Variants in NF1 observed in about 807,000 individuals in gnomAD.
The protein encoded by NF1 is neurofibromin 1.
A neutral mutation model predicts 325.7 loss-of-function variants in NF1; 122 were observed. The ratio of observed to expected loss-of-function variants is 0.37; its 90% CI spans 0.32 to 0.44. NF1 has a LOEUF of 0.44. NF1 is among the 20% of genes least tolerant of loss of function. The pLI, the probability that NF1 is intolerant of heterozygous loss-of-function variation, is 1.00. For synonymous variants in NF1, 1,091 were observed against 1,186.0 expected, an observed-to-expected ratio of 0.92 and a Z score of 1.65; for missense variants, 2,140 against 3,415.4, an observed-to-expected ratio of 0.63 and a Z score of 9.31.
At chr17:31,101,061 C>A (rs1309470803) in intron 1 of NF1, among the ~76,000 whole-genome samples, 1 of 152,044 alleles carries the variant, frequency 6.6e-6, no homozygotes, top group Non-Finnish European at 1.5e-5. Flanking sequence ...TCTCTGTGGA[C>A]CAGTCTTTTT....
At chr17:31,367,101 A>T in intron 57 of NF1, 1 of 365,174 alleles carries the variant, frequency 2.7e-6, no homozygotes, top group Non-Finnish European at 4.7e-6. Context: ...TTCAATAATT[A>T]AAACCAGATT....
intron 48 of NF1, among the ~76,000 whole-genome samples, chr17:31,346,831 T>C (rs2069999282): frequency 6.7e-6 from 1 of 150,240 alleles, no homozygotes; most frequent in Non-Finnish European, 1.5e-5. Flanking sequence ...TTTTTTTTTT[T>C]TTTTTTTTTA....
chr17:31,124,839 G>C (rs1914742697), intron 1 of NF1, among the ~76,000 whole-genome samples: 1 of 150,864 alleles, frequency 6.6e-6, no homozygotes, highest in Non-Finnish European at 1.5e-5. Context: ...CTGGCCTCAT[G>C]ATCTGTCCGC....
chr17:31,176,042 A>G (rs1470536521), intron 5 of NF1, among the ~76,000 whole-genome samples: 1 of 152,182 alleles, frequency 6.6e-6, no homozygotes, highest in Non-Finnish European at 1.5e-5. Flanking sequence ...ATACCCAGTA[A>G]TGGGATGGCT....
At chr17:31,104,268 A>G (rs1912651585) in intron 1 of NF1, among the ~76,000 whole-genome samples, 1 of 152,154 alleles carries the variant, frequency 6.6e-6, no homozygotes, top group Non-Finnish European at 1.5e-5. Flanking sequence ...CATTCTAACG[A>G]CATACTTTTA....
Position 31,200,552 on chromosome 17 carries a change from C to G in NF1, c.1019C>G (p.Ser340Cys), listed in dbSNP as rs771089333. 1.9e-6 allele frequency: 3 copies of G among 1,614,114 alleles called. No individual in the cohort carries two copies. In the East Asian group the frequency reaches 6.7e-5, roughly 36 times the overall value. The change falls in exon 9 of 58, where the codon TCT becomes TGT. Residue 340 changes from serine (S) to cysteine (C), a missense_variant. Coordinates refer to ENST00000358273, the MANE Select transcript of NF1 (RefSeq NM_001042492.3). ...ACTTACATCAATTGGGAAGATAACTCTGTCATTTTCCTACTTGTTCAGTCC... is the reference window on the plus strand; with the variant it reads ...ACTTACATCAATTGGGAAGATAACTGTGTCATTTTCCTACTTGTTCAGTCC... ...ASTYINWEDN[S>C]VIFLLVQSMV...
chr17:31,352,634 T>C (rs2070179514), intron 51 of NF1, among the ~76,000 whole-genome samples: 2 of 152,118 alleles, frequency 1.3e-5, no homozygotes, highest in Non-Finnish European at 2.9e-5. Flanking sequence ...TTTCTGAATC[T>C]TATACTAAAT....
At chr17:31,095,638 C>T (rs552169126) in intron 1 of NF1, among the ~76,000 whole-genome samples, 23 of 152,184 alleles carry the variant, frequency 1.5e-4, no homozygotes, top group Non-Finnish European at 1.6e-4. Flanking sequence ...CCCTCCATCC[C>T]CTTTATCCCA....
chr17:31,248,948 CAA>C, intron 29 of NF1, 34 bp from the exon 30 acceptor site: 1 of 1,600,302 alleles, frequency 6.2e-7, no homozygotes, highest in Non-Finnish European at 8.5e-7. Flanking sequence ...TTGTTTTAAA[CAA>C]AAGTGTTAGG....
In NF1 at chr17:31,256,141, T is replaced by C. The variant is rs906009315; in HGVS notation, c.4174-2203T>C. ...TAGGTTTCTTTTGTCTGCCTTTATTTATTTATTTATTTATTTATTTTGAGA... is the reference window on the plus strand; with the variant it reads ...TAGGTTTCTTTTGTCTGCCTTTATTCATTTATTTATTTATTTATTTTGAGA... On this transcript the variant is annotated intron_variant, in intron 31 of 57. Coordinates refer to ENST00000358273, the MANE Select transcript of NF1 (RefSeq NM_001042492.3). Among the ~76,000 whole-genome samples the C allele has an allele frequency of 1.6e-4, 24 of 152,042 alleles. No homozygotes were observed. In the East Asian group the frequency reaches 2.3e-3, roughly 15 times the overall value.
chr17:31,354,765 G>A (rs925108510), intron 51 of NF1, among the ~76,000 whole-genome samples: 1 of 152,148 alleles, frequency 6.6e-6, no homozygotes, highest in Non-Finnish European at 1.5e-5. Flanking sequence ...AACTCAGGAG[G>A]CCAAGGCAGG....
At chr17:31,222,404 G>T in intron 15 of NF1, 1 of 1,034,102 alleles carries the variant, frequency 9.7e-7, no homozygotes, top group Non-Finnish European at 1.2e-6. Flanking sequence ...TTTGTGGTCT[G>T]CTTCCTAGAT....
chr17:31,296,206 T>C (rs1478113863), intron 36 of NF1: 1 of 1,613,962 alleles, frequency 6.2e-7, no homozygotes, highest in Non-Finnish European at 8.5e-7. Context: ...AGTTTCTGCC[T>C]GAACAGTCCA....
intron 8 of NF1, among the ~76,000 whole-genome samples, chr17:31,197,279 C>G (rs2066451023): frequency 6.6e-6 from 1 of 150,910 alleles, no homozygotes; most frequent in African/African-American, 2.4e-5. Flanking sequence ...ATCTCCTGAC[C>G]TCGTGATCTG....
chr17:31,157,809 A>AC (rs2065691195), intron 2 of NF1, among the ~76,000 whole-genome samples: 1 of 151,314 alleles, frequency 6.6e-6, no homozygotes, highest in Non-Finnish European at 1.5e-5. Flanking sequence ...AAAAAAAAAA[A>AC]AAAAAACTTA....
chr17:31,175,486 A>G (rs2066006209), intron 5 of NF1, among the ~76,000 whole-genome samples: 2 of 150,954 alleles, frequency 1.3e-5, no homozygotes, highest in Admixed American at 6.6e-5. Context: ...AAGTGCTGAG[A>G]TTATAGGCGT....
chr17:31,233,868 T>G (rs2067155961), intron 27 of NF1, among the ~76,000 whole-genome samples: 2 of 152,234 alleles, frequency 1.3e-5, no homozygotes, highest in Admixed American at 1.3e-4. Flanking sequence ...TTAACAAGCC[T>G]GTATTTGTTA....
At chr17:31,201,966 T>C (rs1192902162) in intron 11 of NF1, among the ~76,000 whole-genome samples, 1 of 152,204 alleles carries the variant, frequency 6.6e-6, no homozygotes, top group African/African-American at 2.4e-5. Context: ...TGATCCTAAA[T>C]TCATTCATAG....
chr17:31,233,645 ATTGT>A (rs1429126786), intron 27 of NF1, among the ~76,000 whole-genome samples: 1 of 152,290 alleles, frequency 6.6e-6, no homozygotes, highest in African/African-American at 2.4e-5. Flanking sequence ...ATATTATGAT[ATTGT>A]TTATTTTAAA....
Sources: allele counts gnomAD v4.1 joint callset (sites outside exome capture counted in the v4.1 genomes callset), GRCh38; gene constraint gnomAD v4.1.1; transcripts MANE v1.5; gene names NCBI Gene and HGNC (gene_info 2026-07-23, HGNC 2026-07-21).